CCSER1: variants seen among roughly 807,000 people sequenced by gnomAD.
CCSER1 encodes the protein serine-rich coiled-coil domain-containing protein 1.
A neutral mutation model predicts 82.0 loss-of-function variants in CCSER1; 41 were observed. That is an observed-to-expected ratio of 0.50 (90% confidence interval 0.39 to 0.65). The LOEUF (loss-of-function observed/expected upper bound fraction) is 0.65, where lower values mean the gene tolerates loss of function less well. CCSER1 is among the 30% of genes least tolerant of loss of function. The pLI, the probability that CCSER1 is intolerant of heterozygous loss-of-function variation, is 0.00. For synonymous variants in CCSER1, 414 were observed against 383.9 expected (o/e 1.08, Z -0.92); for missense variants, 1,119 against 1,064.2 (o/e 1.05, Z -0.72).
chr4:90,552,396 T>C (rs1237427796), intron 5 of CCSER1, among the ~76,000 whole-genome samples: 1 of 152,228 alleles, frequency 6.6e-6, no homozygotes, highest in African/African-American at 2.4e-5. Flanking sequence ...AGAAATATGA[T>C]ATAAATTTGA....
chr4:90,329,951 G>T (rs1738975003), intron 3 of CCSER1, among the ~76,000 whole-genome samples: 1 of 151,946 alleles, frequency 6.6e-6, no homozygotes, highest in South Asian at 2.1e-4. Context: ...TAATTTTAAA[G>T]TATCTTTTGT....
chr4:90,167,616 C>A (rs1224610702), intron 1 of CCSER1, among the ~76,000 whole-genome samples: 1 of 151,932 alleles, frequency 6.6e-6, no homozygotes, highest in African/African-American at 2.4e-5. Context: ...TAATGCTATC[C>A]CTCCCCCGTC....
At chr4:91,114,535 C>G (rs1581583102) in intron 10 of CCSER1, among the ~76,000 whole-genome samples, 1 of 152,128 alleles carries the variant, frequency 6.6e-6, no homozygotes, top group East Asian at 1.9e-4. Context: ...TGTAGAAACC[C>G]TTTCTAATCA....
At chr4:90,647,989 G>A (rs1727898182) in intron 6 of CCSER1, among the ~76,000 whole-genome samples, 1 of 151,986 alleles carries the variant, frequency 6.6e-6, no homozygotes, top group African/African-American at 2.4e-5. Flanking sequence ...TTTAAAATAA[G>A]ATAATTTATA....
At chr4:90,546,053 A>G (rs1348001866) in intron 5 of CCSER1, among the ~76,000 whole-genome samples, 1 of 152,172 alleles carries the variant, frequency 6.6e-6, no homozygotes, top group Non-Finnish European at 1.5e-5. Context: ...GTGAGTTTCA[A>G]GGGCTGCCTT....
In CCSER1 at chr4:90,999,061, G is replaced by A. The variant is rs572168596; in HGVS notation, c.2172+75614G>A. Among the ~76,000 whole-genome samples the A allele has an allele frequency of 2.0e-5, 3 of 152,212 alleles. No homozygotes were observed. In the South Asian group the frequency reaches 6.2e-4, roughly 32 times the overall value. ...GAATCCATGTTGCTGCAAAGGACAT[G>A]ATTTCATTTTTCATGGCTCCATAGT... On this transcript the variant is annotated intron_variant, in intron 9 of 10. Transcript: ENST00000509176.
At chr4:91,502,325 A>G (rs1759251945) in intron 10 of CCSER1, among the ~76,000 whole-genome samples, 2 of 152,206 alleles carry the variant, frequency 1.3e-5, no homozygotes, top group South Asian at 4.1e-4. Context: ...TAAGCCTCTC[A>G]TTTTTAATTA....
chr4:90,655,029 T>G (rs774586549), intron 6 of CCSER1, among the ~76,000 whole-genome samples: 36 of 152,090 alleles, frequency 2.4e-4, no homozygotes, highest in Non-Finnish European at 4.3e-4. Context: ...TGTTTATATT[T>G]TGAAATGACT....
chr4:91,417,651 T>G (rs1753445486), intron 10 of CCSER1, among the ~76,000 whole-genome samples: 1 of 151,838 alleles, frequency 6.6e-6, no homozygotes, highest in Admixed American at 6.6e-5. Flanking sequence ...TAAGAACACA[T>G]AGATACATGT....
At chr4:91,457,286 C>T (rs746105682) in intron 10 of CCSER1, among the ~76,000 whole-genome samples, 5 of 151,998 alleles carry the variant, frequency 3.3e-5, no homozygotes, top group African/African-American at 1.2e-4. Flanking sequence ...TAACATTGTA[C>T]AATTTTTTTC....
chr4:90,628,306 G>A (rs1214947219), intron 6 of CCSER1, 74 bp downstream of exon 6: 3 of 1,169,556 alleles, frequency 2.6e-6, no homozygotes, highest in Non-Finnish European at 3.8e-6. Flanking sequence ...GTTAGACCCT[G>A]CTCTGTCAGT....
intron 10 of CCSER1, among the ~76,000 whole-genome samples, chr4:91,468,945 C>T (rs1052809707): frequency 2.0e-5 from 3 of 152,120 alleles, no homozygotes; most frequent in African/African-American, 7.2e-5. Flanking sequence ...AATTCAATCT[C>T]ATATCTAAAC....
chr4:91,288,402 A>C (rs1743485416), intron 10 of CCSER1, among the ~76,000 whole-genome samples: 1 of 151,964 alleles, frequency 6.6e-6, no homozygotes, highest in East Asian at 1.9e-4. Flanking sequence ...CAGTTGTAGC[A>C]GACACAGCCA....
intron 10 of CCSER1, among the ~76,000 whole-genome samples, chr4:91,342,827 G>A (rs1578227231): frequency 6.6e-6 from 1 of 151,984 alleles, no homozygotes; most frequent in East Asian, 1.9e-4. Flanking sequence ...GATAAATGCA[G>A]CTTTCTTTTC....
intron 10 of CCSER1, among the ~76,000 whole-genome samples, chr4:91,354,432 G>A (rs1294801790): frequency 6.6e-6 from 1 of 152,154 alleles, no homozygotes; most frequent in East Asian, 1.9e-4. Flanking sequence ...CACATATCCA[G>A]TATAACCCTG....
At chr4:91,019,186 C>T (rs1356372508) in intron 9 of CCSER1, among the ~76,000 whole-genome samples, 1 of 151,318 alleles carries the variant, frequency 6.6e-6, no homozygotes, top group African/African-American at 2.4e-5. Flanking sequence ...TTAATATTCT[C>T]ATTTTTAGAA....
At chr4:91,135,518 G>A (rs1728381641) in intron 10 of CCSER1, among the ~76,000 whole-genome samples, 1 of 152,186 alleles carries the variant, frequency 6.6e-6, no homozygotes, top group Admixed American at 6.5e-5. Context: ...TGCTGATTTA[G>A]ATGATTTATT....
chr4:90,667,545 A>G (rs937927082), intron 6 of CCSER1, among the ~76,000 whole-genome samples: 1 of 151,608 alleles, frequency 6.6e-6, no homozygotes, highest in Non-Finnish European at 1.5e-5. Context: ...CCCTGTGTCC[A>G]TGTGTTCTCA....
chr4:90,497,226 C>G (rs1339460331), intron 5 of CCSER1, among the ~76,000 whole-genome samples: 1 of 152,088 alleles, frequency 6.6e-6, no homozygotes, highest in Non-Finnish European at 1.5e-5. Context: ...ATATTGGAAC[C>G]ATGTCCTTGC....
Sources: allele counts gnomAD v4.1 joint callset (sites outside exome capture counted in the v4.1 genomes callset), GRCh38; gene constraint gnomAD v4.1.1; transcripts MANE v1.5; gene names NCBI Gene and HGNC (gene_info 2026-07-23, HGNC 2026-07-21).